The following XKR6 variants were observed in gnomAD, a reference collection of about 807,000 sequenced individuals.
XKR6 encodes XK related 6.
Under a neutral mutation model 56.7 loss-of-function variants are expected in XKR6, and 22 were observed. That is an observed-to-expected ratio of 0.39 (90% CI 0.28 to 0.55). XKR6 has a LOEUF of 0.55. Ranked by LOEUF, XKR6 falls within the 20% of genes least tolerant of loss-of-function variation. XKR6 has a pLI of 0.66. For synonymous variants in XKR6, 524 were observed against 387.8 expected (o/e 1.35, Z -4.13); for missense variants, 852 against 889.0 (o/e 0.96, Z 0.53).
intron 1 of XKR6, among the ~76,000 whole-genome samples, chr8:11,131,909 G>C (rs976958140): frequency 1.3e-5 from 2 of 152,160 alleles, no homozygotes; most frequent in South Asian, 2.1e-4. Context: ...GTTTGTGTAT[G>C]TCAGTCCATG....
intron 1 of XKR6, among the ~76,000 whole-genome samples, chr8:10,961,318 T>C (rs79072901): frequency 1.3e-5 from 2 of 152,310 alleles, no homozygotes; most frequent in East Asian, 3.9e-4. Flanking sequence ...CTGACTGGCA[T>C]CATTCCAGGC....
intron 1 of XKR6, among the ~76,000 whole-genome samples, chr8:11,154,590 A>C (rs1202113183): frequency 6.6e-6 from 1 of 152,182 alleles, no homozygotes; most frequent in Non-Finnish European, 1.5e-5. Flanking sequence ...AACACCCCAA[A>C]CTTGCAGTTG....
In XKR6 at chr8:11,106,863, A is replaced by AAAAAAAAAAG. The variant is rs60435831; in HGVS notation, c.764+93712_764+93713insCTTTTTTTTT. On this transcript the variant is annotated intron_variant, in intron 1 of 2. Transcript: ENST00000416569. ...GAGACTTCATCTCAAAAAAAAAAAA[A>AAAAAAAAAAG]AATAAAAAAGATACAACGTTACAAA... Among the ~76,000 whole-genome samples, 130 of 109,898 alleles carry AAAAAAAAAAG rather than the reference A, an allele frequency of 1.2e-3. 11 individuals are homozygous for AAAAAAAAAAG. The highest frequency in any genetic ancestry group is 5.7e-3 in the African/African-American group (123 of 21,614). 72.1% of individuals were successfully genotyped at this position (109,898 alleles called of 152,430 possible).
At chr8:11,173,625 T>C (rs1802498724) in intron 1 of XKR6, among the ~76,000 whole-genome samples, 2 of 152,076 alleles carry the variant, frequency 1.3e-5, no homozygotes, top group South Asian at 4.2e-4. Context: ...GTGACACACA[T>C]GCACAGCGTT....
chr8:11,167,951 A>C (rs1248672702), intron 1 of XKR6, among the ~76,000 whole-genome samples: 1 of 151,854 alleles, frequency 6.6e-6, no homozygotes, highest in Non-Finnish European at 1.5e-5. Context: ...ATTAACTAAG[A>C]AACAGAGACT....
At chr8:10,920,699 G>C (rs1331489668) in intron 2 of XKR6, among the ~76,000 whole-genome samples, 1 of 152,246 alleles carries the variant, frequency 6.6e-6, no homozygotes, top group Non-Finnish European at 1.5e-5. Flanking sequence ...TTAAGTAAGA[G>C]AGAAATGCCA....
intron 1 of XKR6, among the ~76,000 whole-genome samples, chr8:11,065,042 C>A (rs1799941067): frequency 2.6e-5 from 4 of 152,136 alleles, no homozygotes; most frequent in Non-Finnish European, 4.4e-5. Context: ...GGATATGACA[C>A]AGCATAAAAT....
chr8:11,158,321 C>T (rs998342436), intron 1 of XKR6, among the ~76,000 whole-genome samples: 4 of 152,110 alleles, frequency 2.6e-5, no homozygotes, highest in Admixed American at 6.6e-5. Context: ...GAGAAGCACT[C>T]GCCAAGAAAA....
intron 1 of XKR6, among the ~76,000 whole-genome samples, chr8:10,983,663 T>G (rs943659179): frequency 5.4e-5 from 6 of 110,140 alleles, no homozygotes; most frequent in African/African-American, 4.3e-4. Flanking sequence ...CTTTTTTTTG[T>G]TTTTTTTTTT....
intron 1 of XKR6, among the ~76,000 whole-genome samples, chr8:11,100,027 T>A (rs905363135): frequency 1.1e-4 from 16 of 152,104 alleles, no homozygotes; most frequent in African/African-American, 3.9e-4. Context: ...TGCAGCCAGT[T>A]TAAGTAGGGC....
At chr8:11,190,195 G>GAAAGAAAGA (rs778277468) in intron 1 of XKR6, among the ~76,000 whole-genome samples, 1 of 70,410 alleles carries the variant, frequency 1.4e-5, no homozygotes, top group Non-Finnish European at 3.0e-5. Flanking sequence ...AAGAAAGAAA[G>GAAAGAAAGA]AAAGAAAGAA....
chr8:11,047,903 C>T lies in XKR6; in HGVS notation c.765-123073G>A, dbSNP rs79149274. 2.5e-3 allele frequency among the ~76,000 whole-genome samples: 380 copies of T among 152,276 alleles called. 1 individual carries two copies. The highest frequency in any genetic ancestry group is 8.7e-3 in the African/African-American group (361 of 41,540). On this transcript the variant is annotated intron_variant, in intron 1 of 2. Transcript: ENST00000416569. ...ACTTCTTTCAGTTAATCTTTACAAC[C>T]TTCTGATTAGTGTTGAAAGTCCCAG...
At chr8:10,947,197 C>A (rs1389706610) in intron 1 of XKR6, among the ~76,000 whole-genome samples, 1 of 152,122 alleles carries the variant, frequency 6.6e-6, no homozygotes, top group African/African-American at 2.4e-5. Context: ...AATCATAGCT[C>A]TCAGTGGCAG....
chr8:11,182,141 C>G (rs1803020147), intron 1 of XKR6, among the ~76,000 whole-genome samples: 3 of 152,188 alleles, frequency 2.0e-5, no homozygotes, highest in African/African-American at 7.2e-5. Context: ...GAGTAAATAC[C>G]TTGCCCAAGT....
intron 1 of XKR6, among the ~76,000 whole-genome samples, chr8:11,126,456 G>C (rs1260443355): frequency 2.6e-5 from 4 of 151,900 alleles, no homozygotes; most frequent in African/African-American, 7.3e-5. Context: ...CTCAGTTCTT[G>C]AATTTTTTTT....
At chr8:11,151,662 A>G (rs1415470186) in intron 1 of XKR6, among the ~76,000 whole-genome samples, 1 of 152,008 alleles carries the variant, frequency 6.6e-6, no homozygotes, top group East Asian at 1.9e-4. Context: ...CAGAAAATCC[A>G]GACCCACGAT....
chr8:11,000,114 T>G (rs760341454), intron 1 of XKR6, among the ~76,000 whole-genome samples: 6 of 151,950 alleles, frequency 3.9e-5, no homozygotes, highest in Non-Finnish European at 7.4e-5. Flanking sequence ...TGGGATGAAT[T>G]CTCTCAGAGG....
At chr8:11,170,698 G>C (rs1481591029) in intron 1 of XKR6, among the ~76,000 whole-genome samples, 1 of 152,138 alleles carries the variant, frequency 6.6e-6, no homozygotes, top group Non-Finnish European at 1.5e-5. Context: ...TTTGTAGTAC[G>C]TTAATTATAT....
At chr8:10,999,804 T>C (rs1055819672) in intron 1 of XKR6, among the ~76,000 whole-genome samples, 1 of 152,194 alleles carries the variant, frequency 6.6e-6, no homozygotes, top group Admixed American at 6.5e-5. Flanking sequence ...CGGGACAGCA[T>C]GAGATGCTCA....
Sources: allele counts gnomAD v4.1 joint callset (sites outside exome capture counted in the v4.1 genomes callset), GRCh38; gene constraint gnomAD v4.1.1; transcripts MANE v1.5; gene names NCBI Gene and HGNC (gene_info 2026-07-23, HGNC 2026-07-21).